DSCAML1: variants seen among roughly 807,000 people sequenced by gnomAD.
DSCAML1 encodes the protein cell adhesion molecule DSCAML1.
Under a neutral mutation model 200.5 loss-of-function variants are expected in DSCAML1, and 38 were observed. The ratio of observed to expected loss-of-function variants is 0.19; its 90% CI spans 0.15 to 0.25. The LOEUF is 0.25. Among genes scored for constraint, DSCAML1 ranks in the 10% least tolerant of loss-of-function variants. The probability of loss-of-function intolerance (pLI) is 1.00; values close to 1 mark genes in which losing one functional copy is unlikely to be tolerated. For synonymous variants in DSCAML1, 1,215 were observed against 1,165.0 expected, an observed-to-expected ratio of 1.04 and a Z score of -0.87; for missense variants, 2,223 against 2,858.8, an observed-to-expected ratio of 0.78 and a Z score of 5.07.
intron 7 of DSCAML1, among the ~76,000 whole-genome samples, chr11:117,517,040 C>T (rs986024482): frequency 6.6e-6 from 1 of 152,062 alleles, no homozygotes; most frequent in African/African-American, 2.4e-5. Flanking sequence ...AGGGATAGGA[C>T]CAAACTGCAG....
At chr11:117,542,680 T>G (rs1191407031) in intron 3 of DSCAML1, among the ~76,000 whole-genome samples, 3 of 152,268 alleles carry the variant, frequency 2.0e-5, no homozygotes, top group African/African-American at 7.2e-5. Context: ...TGGGCACCCA[T>G]GTGCTGAAAT....
At chr11:117,768,282 C>T (rs1014879590) in intron 3 of DSCAML1, among the ~76,000 whole-genome samples, 2 of 152,190 alleles carry the variant, frequency 1.3e-5, no homozygotes, top group Admixed American at 6.5e-5. Context: ...AATACTACAT[C>T]CTAGGCACTT....
At chr11:117,766,286 C>T (rs371146380) in intron 3 of DSCAML1, among the ~76,000 whole-genome samples, 6 of 152,172 alleles carry the variant, frequency 3.9e-5, no homozygotes, top group Non-Finnish European at 8.8e-5. Flanking sequence ...CTGTAAGCAC[C>T]GTTGGCTTCT....
chr11:117,762,434 A>G (rs1384386658), intron 3 of DSCAML1, among the ~76,000 whole-genome samples: 1 of 152,134 alleles, frequency 6.6e-6, no homozygotes, highest in East Asian at 1.9e-4. Flanking sequence ...CCTGCTGTCA[A>G]TAAGTTTTTT....
chr11:117,458,625 C>T, intron 19 of DSCAML1, 129 bp downstream of exon 19: 1 of 1,226,438 alleles, frequency 8.2e-7, no homozygotes, highest in Non-Finnish European at 1.1e-6. Context: ...GTCCTCAAGG[C>T]TACTCTCCCA....
chr11:117,788,676 T>C (rs1450356383), intron 1 of DSCAML1, among the ~76,000 whole-genome samples: 2 of 152,212 alleles, frequency 1.3e-5, no homozygotes, highest in African/African-American at 4.8e-5. Flanking sequence ...GTGGGAAGCC[T>C]TTTTCTTGCA....
rs1486955807 is a variant in DSCAML1, at chr11:117,428,275, G to T, written c.*53C>A. On this transcript the variant is annotated 3_prime_UTR_variant, in exon 33 of 33. Transcript: ENST00000651296. ...AATGCAGAAAAACAGCCGAGCTGGC[G>T]TGTGGGGCTGCGGCGCGGCGCGGTC... 2 of 1,011,050 alleles carry T rather than the reference G, an allele frequency of 2.0e-6. No homozygotes were observed. Among genetic ancestry groups the T allele is most frequent in the Non-Finnish European group, 1.5e-6 (1 of 656,084 alleles). 62.6% of individuals were successfully genotyped at this position (1,011,050 alleles called of 1,614,324 possible). A position where few individuals can be genotyped will look rare whatever the true frequency, so the allele number is the denominator to read the frequency against.
At chr11:117,444,484 C>T (rs768695179) in intron 20 of DSCAML1, among the ~76,000 whole-genome samples, 7 of 152,116 alleles carry the variant, frequency 4.6e-5, no homozygotes, top group South Asian at 2.1e-4. Flanking sequence ...CTCTGGCTCC[C>T]GTCACCTCCT....
intron 3 of DSCAML1, among the ~76,000 whole-genome samples, chr11:117,747,816 G>A (rs535341511): frequency 9.8e-5 from 15 of 152,290 alleles, no homozygotes; most frequent in African/African-American, 3.4e-4. Flanking sequence ...TTTATAAACC[G>A]CAGGAACCTT....
intron 3 of DSCAML1, among the ~76,000 whole-genome samples, chr11:117,546,597 C>G (rs1288759901): frequency 6.6e-6 from 1 of 152,100 alleles, no homozygotes; most frequent in East Asian, 1.9e-4. Context: ...TACTCAGCTT[C>G]CCGGGAGCCC....
intron 1 of DSCAML1, among the ~76,000 whole-genome samples, chr11:117,811,092 C>A (rs530856546): frequency 9.8e-5 from 15 of 152,312 alleles, no homozygotes; most frequent in Admixed American, 3.9e-4. Context: ...AGCCCTCCCC[C>A]ACCTGCCCAG....
At chr11:117,767,096 C>T (rs2054911865) in intron 3 of DSCAML1, among the ~76,000 whole-genome samples, 1 of 152,084 alleles carries the variant, frequency 6.6e-6, no homozygotes, top group South Asian at 2.1e-4. Flanking sequence ...AAGATGATGC[C>T]GGTGAACGGG....
In DSCAML1 at chr11:117,624,886, G is replaced by A. The variant is rs989224411; in HGVS notation, c.512-92364C>T. On this transcript the variant is annotated intron_variant, in intron 3 of 32. Transcript: ENST00000651296. Reference sequence around the variant, plus strand: ...AGAGGAGAGACAGAACAAGAGTTGGGGAGGCAGGGTTGGATTTTGGGTCTA... The same window carrying A: ...AGAGGAGAGACAGAACAAGAGTTGGAGAGGCAGGGTTGGATTTTGGGTCTA... Among the ~76,000 whole-genome samples the A allele has an allele frequency of 2.0e-5, 3 of 152,170 alleles. No homozygotes were observed. In the East Asian group the frequency reaches 5.8e-4, roughly 29 times the overall value.
At chr11:117,589,883 C>T (rs115481448) in intron 3 of DSCAML1, among the ~76,000 whole-genome samples, 2,247 of 152,154 alleles carry the variant, frequency 0.015, 50 homozygotes, top group African/African-American at 0.05. Flanking sequence ...AAAGTGAGGC[C>T]CTAAGAGGTT....
At chr11:117,776,708 A>G in intron 3 of DSCAML1, 83 bp downstream of exon 3, 2 of 1,522,426 alleles carry the variant, frequency 1.3e-6, no homozygotes, top group South Asian at 2.4e-5. Context: ...ATTGAGCTCA[A>G]CAACCAGCTC....
chr11:117,493,100 G>A (rs1423958146), intron 11 of DSCAML1, among the ~76,000 whole-genome samples: 1 of 152,136 alleles, frequency 6.6e-6, no homozygotes, highest in Non-Finnish European at 1.5e-5. Flanking sequence ...GTAGGGGTGA[G>A]GGTCACAGAG....
At position 117,769,459 on chromosome 11, in the gene DSCAML1, T is replaced by C. The variant is rs866019396; in HGVS notation, c.511+7332A>G. On this transcript the variant is annotated intron_variant, in intron 3 of 32. Coordinates refer to ENST00000651296, the MANE Select transcript of DSCAML1 (RefSeq NM_020693.4). The stretch of plus-strand genomic sequence containing the variant: ...TTATATAATATATATTTTATATATA[T>C]AATATATATTTTATATATATAATAT... 2.3e-3 allele frequency among the ~76,000 whole-genome samples: 172 copies of C among 74,112 alleles called. 2 individuals are homozygous for C. Among genetic ancestry groups the C allele is most frequent in the Middle Eastern group, 9.8e-3 (2 of 204 alleles). 48.6% of individuals were successfully genotyped at this position (74,112 alleles called of 152,430 possible).
In DSCAML1 at chr11:117,489,811, G is replaced by A. The variant is rs371072074; in HGVS notation, c.2360-7649C>T. ...CTGCGGGGCATCCCCTGCATGGCAC[G>A]TGTCCTCCGGCAGCGTCCTTGCCTC... On this transcript the variant is annotated intron_variant, in intron 11 of 32. Coordinates refer to ENST00000651296, the MANE Select transcript of DSCAML1 (RefSeq NM_020693.4). The surrounding 1 kb of genome is among the most constrained non-coding windows in gnomAD (Gnocchi z 4.8). Among the ~76,000 whole-genome samples the A allele has an allele frequency of 2.6e-5, 4 of 152,200 alleles. No homozygotes were observed. In the East Asian group the frequency reaches 5.8e-4, roughly 22 times the overall value.
At chr11:117,688,019 C>T (rs1003274601) in intron 3 of DSCAML1, among the ~76,000 whole-genome samples, 17 of 152,040 alleles carry the variant, frequency 1.1e-4, no homozygotes, top group African/African-American at 3.9e-4. Context: ...AGCCATTCCC[C>T]GTGGTCGGCG....
Sources: gnomAD v4.1 joint callset for allele counts (sites outside exome capture counted in the v4.1 genomes callset) on GRCh38, gnomAD v4.1.1 for gene constraint, Gnocchi (gnomAD v3.1) non-coding constraint, MANE v1.5 for transcripts, NCBI Gene and HGNC (gene_info 2026-07-23, HGNC 2026-07-21) for gene names.